The following TG variants were observed in gnomAD, a reference collection of about 807,000 sequenced individuals.
TG encodes thyroid hormones.
TG carries 270 observed loss-of-function variants against 324.7 expected under a neutral mutation model. The observed-to-expected ratio is 0.83, with a 90% confidence interval of 0.75 to 0.92. The LOEUF (loss-of-function observed/expected upper bound fraction) is 0.92, where lower values mean the gene tolerates loss of function less well. Ranked by LOEUF, TG falls within the 40% of genes least tolerant of loss-of-function variation. The probability of loss-of-function intolerance (pLI) is 0.00; values close to 1 mark genes in which losing one functional copy is unlikely to be tolerated. For synonymous variants in TG, 1,401 were observed against 1,327.0 expected (o/e 1.06, Z -1.21); for missense variants, 3,591 against 3,456.4 (o/e 1.04, Z -0.98).
At chr8:132,934,307 C>G (rs1455493863) in intron 24 of TG, among the ~76,000 whole-genome samples, 2 of 151,660 alleles carry the variant, frequency 1.3e-5, no homozygotes, top group African/African-American at 4.8e-5. Flanking sequence ...TGCACTCCAG[C>G]TTGGGCTGCA....
intron 41 of TG, among the ~76,000 whole-genome samples, chr8:133,056,211 A>G (rs933087659): frequency 2.0e-5 from 3 of 152,226 alleles, no homozygotes; most frequent in African/African-American, 7.2e-5. Flanking sequence ...AAGCAATGTG[A>G]CATCGTGGAT....
chr8:133,088,755 C>T (rs1389576837), intron 41 of TG, among the ~76,000 whole-genome samples: 1 of 152,108 alleles, frequency 6.6e-6, no homozygotes, highest in Non-Finnish European at 1.5e-5. Context: ...GTTTTGATGC[C>T]TTTTTTCCTA....
chr8:133,100,345 C>T (rs1446450759), intron 43 of TG, among the ~76,000 whole-genome samples: 6 of 152,214 alleles, frequency 3.9e-5, no homozygotes, highest in Non-Finnish European at 8.8e-5. Flanking sequence ...GCACTCAAAC[C>T]TCCTGCCATA....
intron 41 of TG, among the ~76,000 whole-genome samples, chr8:133,074,027 G>A (rs4736429): frequency 0.2 from 30,657 of 152,034 alleles, 3,403 homozygotes; most frequent in Non-Finnish European, 0.25. Context: ...GACATTCTGA[G>A]GCCAAAGCTC....
At chr8:133,034,806 C>G (rs1453606763) in intron 41 of TG, among the ~76,000 whole-genome samples, 3 of 152,086 alleles carry the variant, frequency 2.0e-5, no homozygotes, top group Admixed American at 6.6e-5. Flanking sequence ...GCCAGGGCTT[C>G]CAGATAGTAG....
At chr8:132,982,443 T>A (rs1323210910) in intron 34 of TG, among the ~76,000 whole-genome samples, 1 of 152,242 alleles carries the variant, frequency 6.6e-6, no homozygotes, top group Non-Finnish European at 1.5e-5. Flanking sequence ...TTTGCATTTA[T>A]GTGTCACATA....
chr8:133,017,784 C>T lies in TG; in HGVS notation c.6569C>T (p.Ser2190Phe). 1 of 1,614,216 alleles carries T rather than the reference C, an allele frequency of 6.2e-7. No individual in the cohort carries two copies. The highest frequency in any genetic ancestry group is 2.2e-5 in the East Asian group (1 of 44,882). The part of the protein sequence containing the change: ...ATHIYRKPGI[S>F]LLSYEASVPS... ...CTCTTCCCTTTCCCAACAGGAATCT[C>T]TCTGCTCAGCTATGAGGCATCTGTA... The change falls in exon 38 of 48, where the codon TCT becomes TTT. Residue 2190 changes from serine (S) to phenylalanine (F), a missense_variant. Physicochemically the swap from Ser to Phe is radical, Grantham distance 155. Coordinates refer to ENST00000220616, the MANE Select transcript of TG (RefSeq NM_003235.5).
intron 27 of TG, among the ~76,000 whole-genome samples, chr8:132,950,171 T>G (rs533198084): frequency 6.6e-6 from 1 of 152,342 alleles, no homozygotes; most frequent in East Asian, 1.9e-4. Flanking sequence ...GTTCCTTTTG[T>G]TCTTCCAGCT....
intron 34 of TG, among the ~76,000 whole-genome samples, chr8:132,980,966 A>C (rs1830764226): frequency 6.6e-6 from 1 of 152,222 alleles, no homozygotes; most frequent in African/African-American, 2.4e-5. Context: ...GCCTAGTGCC[A>C]GCAGAAGACT....
chr8:132,942,935 G>A (rs1226670607), intron 26 of TG, among the ~76,000 whole-genome samples: 4 of 152,200 alleles, frequency 2.6e-5, no homozygotes, highest in Non-Finnish European at 5.9e-5. Flanking sequence ...CAGGTTTTCT[G>A]AAGGCTATTA....
chr8:132,928,498 T>G (rs1822213129), intron 22 of TG, among the ~76,000 whole-genome samples: 1 of 152,190 alleles, frequency 6.6e-6, no homozygotes, highest in African/African-American at 2.4e-5. Flanking sequence ...CCTCCTCACT[T>G]GTCTAGTTTT....
At chr8:133,021,931 C>T in intron 39 of TG, 60 bp from the exon 40 acceptor site, 1 of 1,608,038 alleles carries the variant, frequency 6.2e-7, no homozygotes, top group Non-Finnish European at 8.5e-7. Flanking sequence ...GAATCAGGCT[C>T]CAAGCATGGG....
intron 22 of TG, among the ~76,000 whole-genome samples, chr8:132,925,671 A>C (rs1821768146): frequency 6.6e-6 from 1 of 152,170 alleles, no homozygotes. Context: ...AGTTAGCCAG[A>C]TGCTTCACAA....
chr8:133,040,042 A>T, intron 41 of TG: 1 of 1,552,558 alleles, frequency 6.4e-7, no homozygotes, highest in African/African-American at 1.4e-5. Context: ...GCAAGGTGAC[A>T]GGTGAGCTGG....
At position 132,966,682 on chromosome 8, in the gene TG, C is replaced by CT. The variant is rs1470919968; in HGVS notation, c.5672dup (p.Trp1892MetfsTer38). On this transcript the variant is annotated frameshift_variant, in exon 30 of 48. Coordinates refer to ENST00000220616, the MANE Select transcript of TG (RefSeq NM_003235.5). LOFTEE classifies it high-confidence loss of function. ...CCTGTTTTCAGCCCAGCAGGCAAACCTATGGTGCCTTTCTCGTAAGTATCC... is the reference window on the plus strand; with the variant it reads ...CCTGTTTTCAGCCCAGCAGGCAAACCTTATGGTGCCTTTCTCGTAAGTATCC... 4.0e-5 allele frequency: 64 copies of CT among 1,613,964 alleles called. No homozygotes were observed. The highest frequency in any genetic ancestry group is 5.3e-5 in the Non-Finnish European group (63 of 1,179,980).
intron 33 of TG, 30 bp from the exon 34 acceptor site, chr8:132,972,568 G>GTTT (rs755247730): frequency 2.3e-6 from 3 of 1,308,906 alleles, no homozygotes; most frequent in African/African-American, 1.8e-5. Flanking sequence ...TCCTGATTGT[G>GTTT]GTTTTTTGTT....
In TG at chr8:132,966,569, C is replaced by G. The variant is rs1388664766; in HGVS notation, c.5558C>G (p.Thr1853Arg). 1 of 1,614,018 alleles carries G rather than the reference C, an allele frequency of 6.2e-7. No homozygotes were observed. Among genetic ancestry groups the G allele is most frequent in the Admixed American group, 1.7e-5 (1 of 59,998 alleles). The change falls in exon 30 of 48, where the codon ACA becomes AGA. Residue 1853 changes from threonine to arginine, a missense_variant. Transcript: ENST00000220616. ...CCTGCTTCTTTTTCAGGTTTGACAA[C>G]AGAACTTTTCTCCCCTGTGGACCTC... ...PASPTEAGLT[T>R]ELFSPVDLNQ...
chr8:132,893,680 A>G lies in TG; in HGVS notation c.2762-10A>G. 1 of 1,613,456 alleles carries G rather than the reference A, an allele frequency of 6.2e-7. No individual in the cohort carries two copies. On this transcript the variant is annotated splice_polypyrimidine_tract_variant and intron_variant, in intron 10 of 47. Coordinates refer to ENST00000220616, the MANE Select transcript of TG (RefSeq NM_003235.5). ...GAGTGAGTCCATCTGTGTTATTTTTATTCCCCTAGGTCCTGGCTCCTGTGA... is the reference window on the plus strand; with the variant it reads ...GAGTGAGTCCATCTGTGTTATTTTTGTTCCCCTAGGTCCTGGCTCCTGTGA...
At chr8:133,051,363 C>T (rs899421258) in intron 41 of TG, among the ~76,000 whole-genome samples, 2 of 152,186 alleles carry the variant, frequency 1.3e-5, no homozygotes, top group African/African-American at 4.8e-5. Flanking sequence ...TTCTCACTAC[C>T]AATGCCTCGG....
Sources: allele counts gnomAD v4.1 joint callset (sites outside exome capture counted in the v4.1 genomes callset), GRCh38; gene constraint gnomAD v4.1.1; transcripts MANE v1.5; gene names NCBI Gene and HGNC (gene_info 2026-07-23, HGNC 2026-07-21).